The following FNIP1 variants were observed in gnomAD, a reference collection of about 807,000 sequenced individuals.
The protein encoded by FNIP1 is folliculin interacting protein 1, also known as folliculin-interacting protein 1.
In FNIP1, 40 loss-of-function variants were observed where a neutral mutation model predicts 124.5. That is an observed-to-expected ratio of 0.32 (90% CI 0.25 to 0.42). The LOEUF (loss-of-function observed/expected upper bound fraction) is 0.42. Among genes scored for constraint, FNIP1 ranks in the 10% least tolerant of loss-of-function variants. The probability of loss-of-function intolerance (pLI) is 1.00; values close to 1 mark genes in which losing one functional copy is unlikely to be tolerated. For synonymous variants in FNIP1, 472 were observed against 470.6 expected (o/e 1.00, Z -0.04); for missense variants, 1,176 against 1,403.7 (o/e 0.84, Z 2.59).
intron 12 of FNIP1, 150 bp from the exon 13 acceptor site, chr5:131,678,022 T>G: frequency 6.5e-6 from 4 of 616,472 alleles, no homozygotes; most frequent in Non-Finnish European, 1.1e-5. Context: ...GATGAGTATA[T>G]AACACCAAGA....
intron 2 of FNIP1, among the ~76,000 whole-genome samples, chr5:131,740,082 C>T (rs1770463601): frequency 6.6e-6 from 1 of 152,178 alleles, no homozygotes; most frequent in African/African-American, 2.4e-5. Flanking sequence ...ACATTGACTA[C>T]TGCCATGGAA....
intron 10 of FNIP1, 63 bp from the exon 11 acceptor site, chr5:131,699,065 G>A: frequency 7.4e-7 from 1 of 1,353,644 alleles, no homozygotes; most frequent in Non-Finnish European, 1.0e-6. Context: ...ATGGAAAAAA[G>A]TCTTTTTTAG....
intron 10 of FNIP1, among the ~76,000 whole-genome samples, chr5:131,699,280 T>C (rs530836748): frequency 6.6e-6 from 1 of 152,250 alleles, no homozygotes; most frequent in Admixed American, 6.5e-5. Flanking sequence ...ATGTTGACAG[T>C]TTCTGGGTTA....
At chr5:131,721,900 C>A (rs938267349) in intron 3 of FNIP1, among the ~76,000 whole-genome samples, 1 of 152,204 alleles carries the variant, frequency 6.6e-6, no homozygotes, top group Non-Finnish European at 1.5e-5. Flanking sequence ...AAAGATTGAG[C>A]TTATCCATTT....
intron 11 of FNIP1, among the ~76,000 whole-genome samples, chr5:131,695,301 A>C (rs1768656398): frequency 6.6e-6 from 1 of 152,244 alleles, no homozygotes; most frequent in Non-Finnish European, 1.5e-5. Context: ...TCATGCATCA[A>C]ACTGGAAAAA....
chr5:131,726,839 T>C (rs990417437), intron 3 of FNIP1, among the ~76,000 whole-genome samples: 10 of 152,216 alleles, frequency 6.6e-5, no homozygotes, highest in African/African-American at 2.4e-4. Context: ...TTTAGCTGTG[T>C]CTCAGAGATT....
chr5:131,790,482 A>AAG (rs1029431091), intron 1 of FNIP1, among the ~76,000 whole-genome samples: 1 of 127,878 alleles, frequency 7.8e-6, no homozygotes, highest in African/African-American at 3.9e-5. Flanking sequence ...CTGTCTCAAA[A>AAG]AAAAAAAAAA....
chr5:131,685,359 T>C (rs1352489919), intron 11 of FNIP1, among the ~76,000 whole-genome samples: 2 of 151,934 alleles, frequency 1.3e-5, no homozygotes, highest in African/African-American at 4.8e-5. Context: ...AATAAAAAAT[T>C]ACAAATGAAA....
chr5:131,717,418 T>A (rs1364665719), intron 5 of FNIP1, among the ~76,000 whole-genome samples: 1 of 152,178 alleles, frequency 6.6e-6, no homozygotes, highest in African/African-American at 2.4e-5. Flanking sequence ...TCCAAGTCTT[T>A]GCGCCAAAAA....
At chr5:131,725,405 A>T (rs961755030) in intron 3 of FNIP1, among the ~76,000 whole-genome samples, 3 of 152,152 alleles carry the variant, frequency 2.0e-5, no homozygotes, top group African/African-American at 7.2e-5. Context: ...CTCCTTGAAG[A>T]GGTCCTTCAC....
In FNIP1 at chr5:131,647,048, A is replaced by G. The variant is rs765336604; in HGVS notation, c.3422+42T>C. The G allele has an allele frequency of 7.2e-6, 11 of 1,537,130 alleles. No individual in the cohort carries two copies. In the South Asian group the frequency reaches 1.2e-4, roughly 17 times the overall value. ...TGAGGAAAATTCCTTGCCTGATGACAGGGCAATGAAAGCAAAGCCAAAAAA... is the reference window on the plus strand; with the variant it reads ...TGAGGAAAATTCCTTGCCTGATGACGGGGCAATGAAAGCAAAGCCAAAAAA... On this transcript the variant is annotated intron_variant, in intron 17 of 17. Transcript: ENST00000510461.
chr5:131,652,327 TG>T (rs1295240028), intron 15 of FNIP1, among the ~76,000 whole-genome samples: 1 of 152,172 alleles, frequency 6.6e-6, no homozygotes, highest in Non-Finnish European at 1.5e-5. Flanking sequence ...TGAAAGAAAA[TG>T]TTTTTTTACC....
intron 1 of FNIP1, among the ~76,000 whole-genome samples, chr5:131,785,662 G>A (rs1235103728): frequency 6.6e-6 from 1 of 152,086 alleles, no homozygotes; most frequent in African/African-American, 2.4e-5. Flanking sequence ...TTAACATGGG[G>A]CTTTACTATG....
intron 2 of FNIP1, among the ~76,000 whole-genome samples, chr5:131,737,482 T>A (rs1314339326): frequency 6.6e-6 from 1 of 152,194 alleles, no homozygotes; most frequent in African/African-American, 2.4e-5. Flanking sequence ...TCTTTCCAGC[T>A]CTCTCAAGTG....
At position 131,644,574 on chromosome 5, in the gene FNIP1, T is replaced by A; in HGVS notation, c.*111A>T. The A allele has an allele frequency of 1.2e-6, 1 of 857,556 alleles. No individual in the cohort carries two copies. The allele number at this position is 857,556 out of a possible 1,614,324, so 53.1% of individuals were successfully genotyped here. On this transcript the variant is annotated 3_prime_UTR_variant, in exon 18 of 18. Coordinates refer to ENST00000510461, the MANE Select transcript of FNIP1 (RefSeq NM_133372.3). ...TATGCAGAATACCCTGGTGACTGACTCATTCAGATGGAAGTCTAAAAGGGA... is the reference window on the plus strand; with the variant it reads ...TATGCAGAATACCCTGGTGACTGACACATTCAGATGGAAGTCTAAAAGGGA...
intron 1 of FNIP1, among the ~76,000 whole-genome samples, chr5:131,785,133 CTATA>C (rs1491064095): frequency 2.0e-4 from 4 of 20,106 alleles, no homozygotes; most frequent in East Asian, 7.0e-4. Flanking sequence ...ATATATATGA[CTATA>C]TATATAGTCA....
At chr5:131,686,859 T>C (rs1768292381) in intron 11 of FNIP1, among the ~76,000 whole-genome samples, 1 of 150,818 alleles carries the variant, frequency 6.6e-6, no homozygotes, top group African/African-American at 2.4e-5. Flanking sequence ...GCCACCAAGC[T>C]TGGCCCCTGA....
At chr5:131,683,793 A>G (rs1031426123) in intron 11 of FNIP1, among the ~76,000 whole-genome samples, 3 of 152,046 alleles carry the variant, frequency 2.0e-5, no homozygotes, top group Admixed American at 6.6e-5. Flanking sequence ...TGAGGTAGTT[A>G]TTTTCTATAA....
chr5:131,677,997 GAAGA>G, intron 12 of FNIP1, 125 bp from the exon 13 acceptor site: 1 of 824,062 alleles, frequency 1.2e-6, no homozygotes, highest in Non-Finnish European at 1.8e-6. Context: ...AAAAAAAGGA[GAAGA>G]GAGAGGAAAG....
Sources: allele counts gnomAD v4.1 joint callset (sites outside exome capture counted in the v4.1 genomes callset), GRCh38; gene constraint gnomAD v4.1.1; transcripts MANE v1.5; gene names NCBI Gene and HGNC (gene_info 2026-07-23, HGNC 2026-07-21).